The following CCDC180 variants were observed in gnomAD, a reference collection of about 807,000 sequenced individuals.
The protein encoded by CCDC180 is coiled-coil domain containing 180, also known as coiled-coil domain-containing protein 180.
Under a neutral mutation model 209.2 loss-of-function variants are expected in CCDC180, and 154 were observed. The observed-to-expected ratio is 0.74, with a 90% CI of 0.65 to 0.84. The LOEUF is 0.84. Ranked by LOEUF, CCDC180 falls within the 40% of genes least tolerant of loss-of-function variation. CCDC180 has a pLI of 0.00. For missense variants in CCDC180, 1,874 were observed against 1,997.3 expected, an observed-to-expected ratio of 0.94 and a Z score of 1.18; for synonymous variants, 778 against 749.1, an observed-to-expected ratio of 1.04 and a Z score of -0.63.
rs750501339 is a variant in CCDC180, at chr9:97,366,512, A to G, written c.4048-47A>G. On this transcript the variant is annotated intron_variant, in intron 30 of 36. Coordinates refer to ENST00000529487, the MANE Select transcript of CCDC180 (RefSeq NM_020893.6). This position sits in a 1 kb window ranked among gnomAD's most constrained non-coding sequence, Gnocchi z 4.3. ...CTGGTGGATCCCAGGAGCAAGGGCCAGAGTCCCATGGAGTCCTCACCCGCA... is the reference window on the plus strand; with the variant it reads ...CTGGTGGATCCCAGGAGCAAGGGCCGGAGTCCCATGGAGTCCTCACCCGCA... The G allele has an allele frequency of 1.1e-5, 18 of 1,595,106 alleles. No individual in the cohort carries two copies. Among genetic ancestry groups the G allele is most frequent in the Non-Finnish European group, 1.5e-5 (18 of 1,169,742 alleles).
chr9:97,327,968 C>G, intron 15 of CCDC180, 52 bp from the exon 16 acceptor site: 1 of 1,580,072 alleles, frequency 6.3e-7, no homozygotes, highest in South Asian at 1.2e-5. Context: ...TCCTTGGGGT[C>G]AGGGGTGTGG....
chr9:97,363,890 A>T, intron 28 of CCDC180, 161 bp from the exon 29 acceptor site: 3 of 648,188 alleles, frequency 4.6e-6, no homozygotes, highest in Non-Finnish European at 2.8e-6. Flanking sequence ...ACAGCTGTTG[A>T]GAAGGGAAAC....
intron 8 of CCDC180, among the ~76,000 whole-genome samples, chr9:97,315,516 A>G (rs1833140927): frequency 6.6e-6 from 1 of 152,074 alleles, no homozygotes; most frequent in Non-Finnish European, 1.5e-5. Context: ...GGGGTGGAAA[A>G]CACAAAATTC....
intron 36 of CCDC180, 47 bp downstream of exon 36, chr9:97,375,636 C>T (rs776309443): frequency 6.2e-6 from 10 of 1,610,056 alleles, no homozygotes; most frequent in Admixed American, 3.3e-5. Context: ...CAGCTCAGGT[C>T]GGCTGCCTTG....
At chr9:97,362,558 T>C in intron 28 of CCDC180, 117 bp downstream of exon 28, 4 of 1,439,962 alleles carry the variant, frequency 2.8e-6, no homozygotes, top group Non-Finnish European at 2.8e-6. Context: ...TGCTCATGGC[T>C]CTGGGACTCC....
At chr9:97,332,667 C>T (rs928781614) in intron 18 of CCDC180, among the ~76,000 whole-genome samples, 1 of 152,054 alleles carries the variant, frequency 6.6e-6, no homozygotes, top group Non-Finnish European at 1.5e-5. Context: ...TGATTTGGCT[C>T]TCGGCTTAGA....
intron 7 of CCDC180, 36 bp from the exon 8 acceptor site, chr9:97,314,815 A>G: frequency 1.2e-6 from 2 of 1,600,408 alleles, no homozygotes; most frequent in East Asian, 2.2e-5. Context: ...TTCTCCAGGA[A>G]GTGAGCCACT....
At chr9:97,359,466 G>A (rs1286464531) in intron 25 of CCDC180, among the ~76,000 whole-genome samples, 1 of 152,198 alleles carries the variant, frequency 6.6e-6, no homozygotes, top group Non-Finnish European at 1.5e-5. Flanking sequence ...AATGTGTGGC[G>A]AGAGGGAAGA....
chr9:97,355,885 G>C (rs565236597), intron 24 of CCDC180, among the ~76,000 whole-genome samples: 1 of 152,186 alleles, frequency 6.6e-6, no homozygotes, highest in Non-Finnish European at 1.5e-5. Flanking sequence ...AATCCAGGGG[G>C]CTGGAGCCCA....
chr9:97,359,912 T>G (rs1313344808), intron 25 of CCDC180, 70 bp from the exon 26 acceptor site: 1 of 1,588,926 alleles, frequency 6.3e-7, no homozygotes, highest in Non-Finnish European at 8.6e-7. Context: ...GTTCCCGCAC[T>G]TCCCACAGAA....
intron 18 of CCDC180, among the ~76,000 whole-genome samples, chr9:97,337,979 T>G (rs1825960896): frequency 6.6e-6 from 1 of 152,184 alleles, no homozygotes. Flanking sequence ...TCTCTGATGG[T>G]AGTTTGTATT....
At chr9:97,367,344 C>A (rs1396226529) in intron 31 of CCDC180, among the ~76,000 whole-genome samples, 1 of 152,146 alleles carries the variant, frequency 6.6e-6, no homozygotes. Flanking sequence ...GTTTCAGAGG[C>A]CCTCTGGGTA....
chr9:97,323,980 G>A (rs760788612), intron 13 of CCDC180, 77 bp downstream of exon 13: 1 of 1,493,720 alleles, frequency 6.7e-7, no homozygotes, highest in Non-Finnish European at 9.0e-7. Flanking sequence ...TGTAGGGAGA[G>A]TCCAAGAACT....
In CCDC180 at chr9:97,333,650, T is replaced by A. The variant is rs143998405; in HGVS notation, c.2274+2883T>A. On this transcript the variant is annotated intron_variant, in intron 18 of 36. Transcript: ENST00000529487. ...TGTGTTCATGAATTTATCCATTTCT[T>A]CTAGATTTTCTAGTTTGTGTGCAAA... Among the ~76,000 whole-genome samples, 150 of 151,936 alleles carry A rather than the reference T, an allele frequency of 9.9e-4. 1 individual carries two copies. The highest frequency in any genetic ancestry group is 3.5e-3 in the African/African-American group (144 of 41,460).
At chr9:97,318,399 C>G (rs1324344088) in intron 9 of CCDC180, 64 bp from the exon 10 acceptor site, 1 of 1,576,868 alleles carries the variant, frequency 6.3e-7, no homozygotes, top group African/African-American at 1.3e-5. Flanking sequence ...GGTTCTCTTT[C>G]CCTCTCTCAC....
chr9:97,310,478 A>C (rs1448728589), intron 3 of CCDC180, among the ~76,000 whole-genome samples: 1 of 152,174 alleles, frequency 6.6e-6, no homozygotes, highest in Non-Finnish European at 1.5e-5. Flanking sequence ...GTTCCTAAGC[A>C]TGCCATTTCA....
In CCDC180 at chr9:97,330,442, TAGA is replaced by T; in HGVS notation, c.1953_1955del (p.Glu652del). On this transcript the variant is annotated inframe_deletion, in exon 18 of 37. Coordinates refer to ENST00000529487, the MANE Select transcript of CCDC180 (RefSeq NM_020893.6). ...AGTGGGACAAGTACTGCCAGGTCAG[TAGA>T]AGAGGTGGAAGAAGAAAACGATCAA... 1 of 1,614,042 alleles carries T rather than the reference TAGA, an allele frequency of 6.2e-7. No individual in the cohort carries two copies.
rs1355378030 is a variant in CCDC180 at position 97,370,027 on chromosome 9, T to C, written c.4295T>C (p.Val1432Ala). The C allele has an allele frequency of 6.2e-7, 1 of 1,613,966 alleles. No homozygotes were observed. Among genetic ancestry groups the C allele is most frequent in the East Asian group, 2.2e-5 (1 of 44,892 alleles). Residue 1432 changes from valine (V) to alanine (A), a missense_variant, in exon 32 of 37, where the codon GTG (valine) becomes GCG (alanine). Val to Ala is a moderately conservative substitution (Grantham distance 64, BLOSUM62 0). Transcript: ENST00000529487. ...CACTGGAAAAAGTTTTTCACCTCTGTGAAGGAGATCCGAGGACAGTTCGAG... is the reference window on the plus strand; with the variant it reads ...CACTGGAAAAAGTTTTTCACCTCTGCGAAGGAGATCCGAGGACAGTTCGAG... ...EHHWKKFFTSVKEIRGQFEEQ... is the reference protein window; with the variant it reads ...EHHWKKFFTSAKEIRGQFEEQ...
At position 97,368,021 on chromosome 9, in the gene CCDC180, G is replaced by C. The variant is rs186774713; in HGVS notation, c.4189+1321G>C. 9.2e-5 allele frequency among the ~76,000 whole-genome samples: 14 copies of C among 152,256 alleles called. No homozygotes were observed. In the East Asian group the frequency reaches 2.1e-3, roughly 23 times the overall value. The stretch of plus-strand genomic sequence containing the variant: ...CCTACATGATTGTCCTCAAAACAAG[G>C]GTTCCATGGTCAAATGGGCTTGGAA... On this transcript the variant is annotated intron_variant, in intron 31 of 36. Coordinates refer to ENST00000529487, the MANE Select transcript of CCDC180 (RefSeq NM_020893.6).
Sources: gnomAD v4.1 joint callset for allele counts (sites outside exome capture counted in the v4.1 genomes callset) on GRCh38, gnomAD v4.1.1 for gene constraint, Gnocchi (gnomAD v3.1) non-coding constraint, MANE v1.5 for transcripts, NCBI Gene and HGNC (gene_info 2026-07-23, HGNC 2026-07-21) for gene names.